Variants in AGBL4 observed in about 807,000 individuals in gnomAD.
AGBL4 encodes AGBL carboxypeptidase 4.
A neutral mutation model predicts 66.4 loss-of-function variants in AGBL4; 58 were observed. The ratio of observed to expected loss-of-function variants is 0.87; its 90% CI spans 0.71 to 1.09. The LOEUF (loss-of-function observed/expected upper bound fraction) is 1.09, where lower values mean the gene tolerates loss of function less well. AGBL4 is among the 50% of genes least tolerant of loss of function. The pLI, the probability that AGBL4 is intolerant of heterozygous loss-of-function variation, is 0.00. For synonymous variants in AGBL4, 234 were observed against 222.9 expected, an observed-to-expected ratio of 1.05 and a Z score of -0.44; for missense variants, 579 against 631.0, an observed-to-expected ratio of 0.92 and a Z score of 0.88.
intron 1 of AGBL4, among the ~76,000 whole-genome samples, chr1:50,002,495 G>A (rs991098593): frequency 1.6e-4 from 24 of 147,342 alleles, no homozygotes; most frequent in African/African-American, 6.1e-4. Flanking sequence ...TCAGCCTCCC[G>A]AGTAGCTGGG....
chr1:49,286,380 G>T (rs1056259871), intron 3 of AGBL4, among the ~76,000 whole-genome samples: 2 of 151,406 alleles, frequency 1.3e-5, no homozygotes, highest in African/African-American at 4.9e-5. Flanking sequence ...GGCAGGAGAA[G>T]GAAATAAAGG....
At chr1:49,456,057 C>T (rs532118485) in intron 3 of AGBL4, among the ~76,000 whole-genome samples, 19 of 151,884 alleles carry the variant, frequency 1.3e-4, no homozygotes, top group South Asian at 8.3e-4. Context: ...TCAAATCACA[C>T]ATTATCAATC....
At chr1:49,672,943 A>G (rs1646509566) in intron 3 of AGBL4, among the ~76,000 whole-genome samples, 1 of 148,932 alleles carries the variant, frequency 6.7e-6, no homozygotes, top group Admixed American at 6.7e-5. Context: ...AAAAAAAAAG[A>G]AAAGAAAAGA....
At chr1:49,860,477 C>T (rs745416254) in intron 1 of AGBL4, among the ~76,000 whole-genome samples, 3 of 152,302 alleles carry the variant, frequency 2.0e-5, no homozygotes, top group Middle Eastern at 3.4e-3. Flanking sequence ...GCAAGTGAAT[C>T]GCTTCAGCCC....
At chr1:49,150,502 T>G (rs1425017954) in intron 4 of AGBL4, among the ~76,000 whole-genome samples, 1 of 152,220 alleles carries the variant, frequency 6.6e-6, no homozygotes. Context: ...AGGAGAAATC[T>G]GAGGGGATTT....
In AGBL4 at chr1:49,730,547, C is replaced by G. The variant is rs147163862; in HGVS notation, c.158-33110G>C. Among the ~76,000 whole-genome samples the G allele has an allele frequency of 4.6e-5, 7 of 152,290 alleles. No homozygotes were observed. The East Asian group carries it at 1.2e-3, about 25-fold the overall frequency. Reference sequence around the variant, plus strand: ...GACCTTGGGACTCCCCAAGGAGTGACAGAAGCTGTGACAACCCCTTGGGGC... The same window carrying G: ...GACCTTGGGACTCCCCAAGGAGTGAGAGAAGCTGTGACAACCCCTTGGGGC... On this transcript the variant is annotated intron_variant, in intron 2 of 13. Coordinates refer to ENST00000371839, the MANE Select transcript of AGBL4 (RefSeq NM_032785.4).
At chr1:49,250,037 G>A (rs1473869111) in intron 3 of AGBL4, among the ~76,000 whole-genome samples, 1 of 152,140 alleles carries the variant, frequency 6.6e-6, no homozygotes, top group East Asian at 1.9e-4. Context: ...TTTCATAGAG[G>A]TAGAGAATAG....
rs554506186 is a variant in AGBL4 at position 48,899,486 on chromosome 1, G to C, written c.595-32256C>G. ...CCAGGCAGCAAAGAGAAATTGAGTG[G>C]AAATGCATAAATTGTTGCAAACAAA... On this transcript the variant is annotated intron_variant, in intron 5 of 13. Transcript: ENST00000371839. Among the ~76,000 whole-genome samples, 19 of 151,760 alleles carry C rather than the reference G, an allele frequency of 1.3e-4. No individual in the cohort carries two copies. The South Asian group carries it at 3.7e-3, about 30-fold the overall frequency.
At chr1:48,862,539 T>C (rs1647580663) in intron 6 of AGBL4, among the ~76,000 whole-genome samples, 1 of 152,144 alleles carries the variant, frequency 6.6e-6, no homozygotes, top group Non-Finnish European at 1.5e-5. Flanking sequence ...GCCAGGATGG[T>C]CTCTATTTCC....
At chr1:49,579,613 C>T (rs1173312366) in intron 3 of AGBL4, among the ~76,000 whole-genome samples, 1 of 152,152 alleles carries the variant, frequency 6.6e-6, no homozygotes, top group Non-Finnish European at 1.5e-5. Context: ...CATTCTCCTG[C>T]CTCAGCCTCC....
intron 12 of AGBL4, among the ~76,000 whole-genome samples, chr1:48,535,568 C>A (rs1203837579): frequency 6.6e-6 from 1 of 152,048 alleles, no homozygotes; most frequent in East Asian, 1.9e-4. Context: ...TTATCTTTAC[C>A]ATATCATTTA....
chr1:49,253,454 C>T (rs1652229524), intron 3 of AGBL4, among the ~76,000 whole-genome samples: 1 of 152,098 alleles, frequency 6.6e-6, no homozygotes, highest in South Asian at 2.1e-4. Context: ...GACACATATA[C>T]CCTCCCAAGG....
At chr1:49,857,594 T>C (rs1445082619) in intron 1 of AGBL4, among the ~76,000 whole-genome samples, 1 of 152,150 alleles carries the variant, frequency 6.6e-6, no homozygotes, top group Non-Finnish European at 1.5e-5. Context: ...AAATAATTTT[T>C]AACAAATGCA....
Position 49,133,177 on chromosome 1 carries a change from G to T in AGBL4, c.378-87377C>A, listed in dbSNP as rs552398269. Among the ~76,000 whole-genome samples, 78 of 152,284 alleles carry T rather than the reference G, an allele frequency of 5.1e-4. 1 individual carries two copies. The highest frequency in any genetic ancestry group is 1.7e-3 in the African/African-American group (70 of 41,570). On this transcript the variant is annotated intron_variant, in intron 4 of 13. Coordinates refer to ENST00000371839, the MANE Select transcript of AGBL4 (RefSeq NM_032785.4). ...ACTGCATGTTCTCACTCATAAGTGG[G>T]AGTTGAACAATGATAACACATGGAC...
chr1:48,730,299 T>C lies in AGBL4; in HGVS notation c.635-67058A>G, dbSNP rs565957515. On this transcript the variant is annotated intron_variant, in intron 6 of 13. Transcript: ENST00000371839. ...TGAACCAAATGAGGGAGACAAACTG[T>C]GATGAGAACTGCTTAGAAGTTGAGA... Among the ~76,000 whole-genome samples the C allele has an allele frequency of 1.6e-3, 249 of 152,272 alleles. 3 individuals carry two copies. The highest frequency in any genetic ancestry group is 5.8e-3 in the African/African-American group (241 of 41,534).
intron 1 of AGBL4, among the ~76,000 whole-genome samples, chr1:49,887,764 T>C (rs946963505): frequency 3.9e-5 from 6 of 152,058 alleles, no homozygotes; most frequent in Admixed American, 2.6e-4. Context: ...GAGGTGAAAA[T>C]GACAGATATC....
chr1:49,927,070 C>G (rs1181191318), intron 1 of AGBL4, among the ~76,000 whole-genome samples: 1 of 152,092 alleles, frequency 6.6e-6, no homozygotes, highest in Non-Finnish European at 1.5e-5. Flanking sequence ...AGTCTTTTCA[C>G]GTTTTTTCTG....
chr1:49,455,196 G>A (rs1386605299), intron 3 of AGBL4, among the ~76,000 whole-genome samples: 1 of 151,608 alleles, frequency 6.6e-6, no homozygotes, highest in African/African-American at 2.4e-5. Context: ...ATGTTTACCT[G>A]ATGTCATGAA....
chr1:49,254,230 C>T (rs1292845436), intron 3 of AGBL4, among the ~76,000 whole-genome samples: 1 of 152,002 alleles, frequency 6.6e-6, no homozygotes, highest in Non-Finnish European at 1.5e-5. Context: ...TCCATCTATC[C>T]GTGTTTCTAG....
Sources: allele counts gnomAD v4.1 joint callset (sites outside exome capture counted in the v4.1 genomes callset), GRCh38; gene constraint gnomAD v4.1.1; transcripts MANE v1.5; gene names NCBI Gene and HGNC (gene_info 2026-07-23, HGNC 2026-07-21).